AFF2: variants seen among roughly 807,000 people sequenced by gnomAD.
AFF2 encodes AF4/FMR2 family member 2.
In AFF2, 14 loss-of-function variants were observed where a neutral mutation model predicts 76.9. The observed-to-expected ratio is 0.18, with a 90% CI of 0.12 to 0.28. The LOEUF is 0.28. Ranked by LOEUF, AFF2 falls within the 10% of genes least tolerant of loss-of-function variation. The pLI, the probability that AFF2 is intolerant of heterozygous loss-of-function variation, is 1.00. For missense variants in AFF2, 868 were observed against 1,001.1 expected, an observed-to-expected ratio of 0.87 and a Z score of 1.79; for synonymous variants, 398 against 366.7, an observed-to-expected ratio of 1.09 and a Z score of -0.98.
At chrX:148,661,585 C>T (rs1251491854) in intron 2 of AFF2, among the ~76,000 whole-genome samples, 2 of 111,867 alleles carry the variant, frequency 1.8e-5, no homozygotes, top group African/African-American at 6.5e-5. Flanking sequence ...CAATTCAGCT[C>T]ATCTGTCACA....
At chrX:148,921,859 G>T (rs139422285) in intron 9 of AFF2, among the ~76,000 whole-genome samples, 63 of 111,971 alleles carry the variant, frequency 5.6e-4, no homozygotes, top group African/African-American at 1.9e-3. Context: ...TAAACTATTC[G>T]TCCTACTTGC....
chrX:148,843,243 C>A (rs1320876521), intron 6 of AFF2, 139 bp from the exon 7 acceptor site: 3 of 526,015 alleles, frequency 5.7e-6, no homozygotes, highest in African/African-American at 4.9e-5. Flanking sequence ...AACTGGTTCC[C>A]CCCCTTTTTT....
At position 148,935,420 on chromosome X, in the gene AFF2, T is replaced by C. The variant is rs781832995; in HGVS notation, c.1398-18160T>C. Among the ~76,000 whole-genome samples the C allele has an allele frequency of 7.9e-4, 65 of 81,975 alleles. 1 individual carries two copies. Among genetic ancestry groups the C allele is most frequent in the East Asian group, 2.1e-3 (5 of 2,438 alleles). The allele number at this position is 81,975 out of a possible 115,157, so 71.2% of individuals were successfully genotyped here. ...CTACACACACACACACACACACACATATATATGAATCTGTGCATTCTTATA... is the reference window on the plus strand; with the variant it reads ...CTACACACACACACACACACACACACATATATGAATCTGTGCATTCTTATA... On this transcript the variant is annotated intron_variant, in intron 9 of 20. Transcript: ENST00000370460.
At chrX:148,506,858 C>T (rs1189517966) in intron 1 of AFF2, among the ~76,000 whole-genome samples, 4 of 111,856 alleles carry the variant, frequency 3.6e-5, no homozygotes, top group Non-Finnish European at 7.5e-5. Context: ...GATAATAAAA[C>T]GGAAGTTCAG....
chrX:148,738,195 C>T (rs1557265284), intron 3 of AFF2, among the ~76,000 whole-genome samples: 2 of 111,292 alleles, frequency 1.8e-5, no homozygotes, highest in African/African-American at 6.5e-5. Flanking sequence ...ATGATTGGTA[C>T]CAATTCTTCT....
chrX:148,534,778 G>A (rs2052766024), intron 1 of AFF2, among the ~76,000 whole-genome samples: 1 of 112,337 alleles, frequency 8.9e-6, no homozygotes, highest in Non-Finnish European at 1.9e-5. Flanking sequence ...ATTTCTTTTT[G>A]TATTCATTAT....
At chrX:148,785,319 T>C (rs2069804550) in intron 3 of AFF2, among the ~76,000 whole-genome samples, 1 of 112,029 alleles carries the variant, frequency 8.9e-6, no homozygotes, top group Admixed American at 9.4e-5. Context: ...TTAATGCCAT[T>C]TTCAGGGTAA....
At chrX:148,964,994 A>G (rs2072154885) in intron 13 of AFF2, among the ~76,000 whole-genome samples, 1 of 112,919 alleles carries the variant, frequency 8.9e-6, no homozygotes, top group African/African-American at 3.2e-5. Flanking sequence ...GGGAACAGTC[A>G]GAGATTGGGC....
chrX:148,823,755 T>C (rs1008880895), intron 4 of AFF2, among the ~76,000 whole-genome samples: 2 of 111,897 alleles, frequency 1.8e-5, no homozygotes. Context: ...TTCTGAGCAG[T>C]GCCCCTACTA....
chrX:148,958,201 C>A, intron 11 of AFF2, 136 bp from the exon 12 acceptor site: 1 of 881,878 alleles, frequency 1.1e-6, no homozygotes, highest in Non-Finnish European at 1.6e-6. Flanking sequence ...CAAAGGTGCA[C>A]ATTTAACTCA....
At chrX:148,799,513 C>G (rs1171859876) in intron 3 of AFF2, among the ~76,000 whole-genome samples, 2 of 111,733 alleles carry the variant, frequency 1.8e-5, no homozygotes, top group Non-Finnish European at 1.9e-5. Flanking sequence ...CAAAATCAGG[C>G]ACCTACATTG....
At chrX:148,740,795 T>TA (rs1293333630) in intron 3 of AFF2, among the ~76,000 whole-genome samples, 7 of 112,111 alleles carry the variant, frequency 6.2e-5, no homozygotes, top group African/African-American at 2.3e-4. Flanking sequence ...AGGGAAGGTC[T>TA]AAGGGCTGAA....
At chrX:148,644,331 G>A (rs1047491843) in intron 1 of AFF2, among the ~76,000 whole-genome samples, 7 of 111,412 alleles carry the variant, frequency 6.3e-5, no homozygotes, top group African/African-American at 2.3e-4. Context: ...GTGGCCTCTG[G>A]ATTCTGACAG....
At chrX:148,699,028 C>T (rs1557261584) in intron 3 of AFF2, among the ~76,000 whole-genome samples, 1 of 111,268 alleles carries the variant, frequency 9.0e-6, no homozygotes, top group African/African-American at 3.3e-5. Context: ...TCTGATATGC[C>T]ACTATTTAAA....
In AFF2 at chrX:148,953,649, A is replaced by G. The variant is rs782268933; in HGVS notation, c.1467A>G (p.Glu489=). 2 of 1,211,571 alleles carry G rather than the reference A, an allele frequency of 1.7e-6. No individual in the cohort carries two copies. Among genetic ancestry groups the G allele is most frequent in the Non-Finnish European group, 2.2e-6 (2 of 895,357 alleles). ...QASGGSGSSS[E]SESSSESDSD... is the part of the protein sequence containing the mutation. ...GCGGGGGTTCTGGCAGCTCCAGCGA[A>G]TCGGAGAGCAGCTCTGAGTCGGATT... The change falls in exon 10 of 21, where the codon GAA becomes GAG. Residue 489 remains glutamate, a synonymous_variant. Transcript: ENST00000370460.
intron 3 of AFF2, among the ~76,000 whole-genome samples, chrX:148,785,789 G>C (rs782343944): frequency 8.9e-6 from 1 of 112,023 alleles, no homozygotes; most frequent in African/African-American, 3.2e-5. Flanking sequence ...AATGCCAAAA[G>C]GAAAATAAGC....
At chrX:148,884,837 C>T (rs190449940) in intron 7 of AFF2, among the ~76,000 whole-genome samples, 2 of 111,834 alleles carry the variant, frequency 1.8e-5, no homozygotes, top group Admixed American at 9.5e-5. Flanking sequence ...AGCTTTTGTA[C>T]AGAAAGTGGG....
At chrX:148,913,161 C>T (rs998955841) in intron 9 of AFF2, among the ~76,000 whole-genome samples, 1 of 112,153 alleles carries the variant, frequency 8.9e-6, no homozygotes, top group African/African-American at 3.2e-5. Flanking sequence ...TGGATTTGTA[C>T]CATCTAGGCA....
chrX:148,884,932 A>AGATGC (rs782068422), intron 7 of AFF2, among the ~76,000 whole-genome samples: 1 of 112,252 alleles, frequency 8.9e-6, no homozygotes, highest in Admixed American at 9.4e-5. Context: ...TGCAGAGCCT[A>AGATGC]GATGCAAGAA....
Sources: gnomAD v4.1 joint callset for allele counts (sites outside exome capture counted in the v4.1 genomes callset) on GRCh38, gnomAD v4.1.1 for gene constraint, MANE v1.5 for transcripts, NCBI Gene and HGNC (gene_info 2026-07-23, HGNC 2026-07-21) for gene names.